The following ARHGAP27 variants were observed in gnomAD, a reference collection of about 807,000 sequenced individuals.
The protein encoded by ARHGAP27 is Rho GTPase activating protein 27.
ARHGAP27 carries 53 observed loss-of-function variants against 102.0 expected under a neutral mutation model. The observed-to-expected ratio is 0.52, with a 90% confidence interval of 0.42 to 0.65. The LOEUF is 0.65. Ranked by LOEUF, ARHGAP27 falls within the 30% of genes least tolerant of loss-of-function variation. ARHGAP27 has a pLI of 0.00. For missense variants in ARHGAP27, 1,117 were observed against 1,256.2 expected (o/e 0.89, Z 1.68); for synonymous variants, 525 against 542.8 (o/e 0.97, Z 0.46).
chr17:45,414,351 G>A (rs537219660), intron 4 of ARHGAP27, among the ~76,000 whole-genome samples: 16 of 152,144 alleles, frequency 1.1e-4, no homozygotes, highest in Middle Eastern at 6.9e-3. Context: ...CCGCTTGCTC[G>A]GAAGTGGCCT....
intron 12 of ARHGAP27, among the ~76,000 whole-genome samples, chr17:45,400,756 T>C (rs2046342656): frequency 6.6e-6 from 1 of 151,474 alleles, no homozygotes. Flanking sequence ...CTTTACTAAA[T>C]ACAAAAAAAT....
chr17:45,395,745 G>T lies in ARHGAP27; in HGVS notation c.2491C>A (p.Arg831=). 1.9e-6 allele frequency: 3 copies of T among 1,592,592 alleles called. No homozygotes were observed. The highest frequency in any genetic ancestry group is 2.3e-5 in the South Asian group (2 of 88,834). The part of the protein sequence containing the change: ...TLRMLFQHLC[R]VIEHGEQNRM... ...TCCCGCGCGGGCCGCCCGGCTCACC[G>T]GCAGAGGTGCTGGAAGAGCATCCGC... is the stretch of plus-strand genomic sequence containing the variant. Residue 831 remains arginine (R), a splice_region_variant and synonymous_variant, in exon 19 of 20, where the codon CGG becomes AGG. Coordinates refer to ENST00000685559, the MANE Select transcript of ARHGAP27 (RefSeq NM_001282290.2).
At chr17:45,410,475 G>T in intron 4 of ARHGAP27, 2 of 1,272,490 alleles carry the variant, frequency 1.6e-6, no homozygotes, top group Non-Finnish European at 2.0e-6. Flanking sequence ...GGCGGGTGGG[G>T]TGGAGGGGCC....
chr17:45,399,209 C>T (rs999537519), intron 12 of ARHGAP27, among the ~76,000 whole-genome samples: 4 of 152,230 alleles, frequency 2.6e-5, no homozygotes, highest in Non-Finnish European at 4.4e-5. Flanking sequence ...GAAACTGTCT[C>T]AGACCCCAGG....
Position 45,395,759 on chromosome 17 carries a change from A to AAG in ARHGAP27, c.2475_2476dup (p.Phe826SerfsTer8), listed in dbSNP as rs2045545812. 1.2e-5 allele frequency: 19 copies of AAG among 1,599,578 alleles called. No homozygotes were observed. Among genetic ancestry groups the AAG allele is most frequent in the Non-Finnish European group, 1.6e-5 (19 of 1,176,196 alleles). ...CCCGGCTCACCGGCAGAGGTGCTGG[A>AAG]AGAGCATCCGCAGAGTGTCGTGGTT... is the stretch of plus-strand genomic sequence containing the variant. On this transcript the variant is annotated frameshift_variant, in exon 19 of 20. Coordinates refer to ENST00000685559, the MANE Select transcript of ARHGAP27 (RefSeq NM_001282290.2). LOFTEE classifies it high-confidence loss of function.
At chr17:45,397,855 TG>T in intron 13 of ARHGAP27, 93 bp downstream of exon 13, 2 of 1,127,290 alleles carry the variant, frequency 1.8e-6, no homozygotes, top group Non-Finnish European at 2.5e-6. Flanking sequence ...CATTACCCAC[TG>T]GTACCTTAGA....
intron 4 of ARHGAP27, among the ~76,000 whole-genome samples, chr17:45,423,471 G>A (rs1230083): frequency 0.46 from 70,504 of 152,020 alleles, 17,147 homozygotes; most frequent in South Asian, 0.59. Flanking sequence ...GAAACCTTTC[G>A]AATTCAACTC....
chr17:45,424,028 C>T (rs1030890370), intron 4 of ARHGAP27, among the ~76,000 whole-genome samples: 4 of 152,230 alleles, frequency 2.6e-5, no homozygotes, highest in Admixed American at 1.3e-4. Flanking sequence ...CAGGCAGGCC[C>T]TTCTGCTACC....
In ARHGAP27 at chr17:45,426,310, T is replaced by C. The variant is rs151275922; in HGVS notation, c.657+3313A>G. ...AGCTGCTGGGAGCTTAACCCTGGGT[T>C]ACAAGCCTTTCAGCAAGAGCCCACA... On this transcript the variant is annotated intron_variant, in intron 4 of 19. Transcript: ENST00000685559. Among the ~76,000 whole-genome samples, 481 of 152,286 alleles carry C rather than the reference T, an allele frequency of 3.2e-3. 1 individual carries two copies. Among genetic ancestry groups the C allele is most frequent in the African/African-American group, 0.01 (431 of 41,548 alleles).
rs542465220 is a variant in ARHGAP27, at chr17:45,397,894, A to G, written c.1842+55T>C. The stretch of plus-strand genomic sequence containing the variant: ...TCCCTGAGCCTGAGCAGAGGGCCCC[A>G]CTCATAATGGCCACCCCCTCCCCAC... On this transcript the variant is annotated intron_variant, in intron 13 of 19. Transcript: ENST00000685559. The G allele has an allele frequency of 3.5e-5, 52 of 1,484,480 alleles. 1 individual carries two copies. The Middle Eastern group carries it at 6.4e-4, about 18-fold the overall frequency. The allele number at this position is 1,484,480 out of a possible 1,614,324, so 92.0% of individuals were successfully genotyped here.
At chr17:45,423,451 G>A (rs73984396) in intron 4 of ARHGAP27, among the ~76,000 whole-genome samples, 3,887 of 152,184 alleles carry the variant, frequency 0.026, 159 homozygotes, top group African/African-American at 0.089. Context: ...TTTCATGAGC[G>A]GGAACTGTAG....
At chr17:45,423,962 T>C (rs1349424456) in intron 4 of ARHGAP27, among the ~76,000 whole-genome samples, 1 of 152,236 alleles carries the variant, frequency 6.6e-6, no homozygotes, top group African/African-American at 2.4e-5. Context: ...AATAGTAATT[T>C]ACACATTTAA....
rs920839951 is a variant in ARHGAP27, at chr17:45,396,558, G to A, written c.2102C>T (p.Ala701Val). Residue 701 changes from alanine to valine, a missense_variant, in exon 16 of 20, where the codon GCG (alanine) becomes GTG (valine). Ala to Val is a moderately conservative substitution (Grantham distance 64). Coordinates refer to ENST00000685559, the MANE Select transcript of ARHGAP27 (RefSeq NM_001282290.2). ...CCGGCTCCTCTCGCGCTCACACAGC[G>A]CGGCCAGCGCGCAGCCGAACACCTG... is the stretch of plus-strand genomic sequence containing the variant. ...KDQVFGCALA[A>V]LCERERSRVP... The A allele has an allele frequency of 8.7e-6, 14 of 1,600,794 alleles. No homozygotes were observed. The highest frequency in any genetic ancestry group is 1.7e-4 in the Middle Eastern group (1 of 6,020).
intron 4 of ARHGAP27, among the ~76,000 whole-genome samples, chr17:45,423,808 T>C (rs1189960057): frequency 6.6e-6 from 1 of 152,252 alleles, no homozygotes; most frequent in Non-Finnish European, 1.5e-5. Flanking sequence ...TACACTGTGA[T>C]GTCTCTACGG....
chr17:45,408,467 G>A (rs1399483375), intron 4 of ARHGAP27: 2 of 152,118 alleles, frequency 1.3e-5, no homozygotes, highest in African/African-American at 4.8e-5. Context: ...GCGCCTGGGG[G>A]ACAGGGAGAG....
intron 4 of ARHGAP27, among the ~76,000 whole-genome samples, chr17:45,416,639 C>G (rs766130282): frequency 9.4e-4 from 142 of 151,258 alleles, no homozygotes; most frequent in Admixed American, 1.6e-3. Context: ...ACCTCTGCCT[C>G]CCAGGTTCAA....
chr17:45,396,629 C>A (rs774120175), intron 15 of ARHGAP27, 39 bp downstream of exon 15: 1 of 1,612,136 alleles, frequency 6.2e-7, no homozygotes, highest in East Asian at 2.2e-5. Flanking sequence ...TGCGCCCCGT[C>A]CCGGTCCCGG....
chr17:45,421,548 A>C (rs1235307526), intron 4 of ARHGAP27, among the ~76,000 whole-genome samples: 1 of 152,192 alleles, frequency 6.6e-6, no homozygotes, highest in Non-Finnish European at 1.5e-5. Context: ...AGCTGAGAAA[A>C]GACCGGAGTC....
intron 4 of ARHGAP27, among the ~76,000 whole-genome samples, chr17:45,412,962 CTTTTTTTTTTTTTTTTTTTTTT>C (rs36233058): frequency 1.9e-4 from 8 of 41,118 alleles, no homozygotes; most frequent in Non-Finnish European, 3.0e-4. Context: ...TCAGTATAAT[CTTTTTTTTTTTTTTTTTTTTTT>C]TTTTTTTTTT....
Sources: allele counts gnomAD v4.1 joint callset (sites outside exome capture counted in the v4.1 genomes callset), GRCh38; gene constraint gnomAD v4.1.1; transcripts MANE v1.5; gene names NCBI Gene and HGNC (gene_info 2026-07-23, HGNC 2026-07-21).